ROBO2: variants seen among roughly 807,000 people sequenced by gnomAD.
ROBO2 encodes roundabout homolog 2.
ROBO2 carries 53 observed loss-of-function variants against 160.8 expected under a neutral mutation model. The observed-to-expected ratio is 0.33, with a 90% CI of 0.26 to 0.41. ROBO2 has a LOEUF of 0.41. Ranked by LOEUF, ROBO2 falls within the 10% of genes least tolerant of loss-of-function variation. The pLI is 1.00. For synonymous variants in ROBO2, 664 were observed against 611.7 expected (o/e 1.09, Z -1.26); for missense variants, 1,577 against 1,722.4 (o/e 0.92, Z 1.49).
At chr3:76,336,533 C>G (rs1043448202) in intron 2 of ROBO2, among the ~76,000 whole-genome samples, 3 of 152,136 alleles carry the variant, frequency 2.0e-5, no homozygotes, top group African/African-American at 7.2e-5. Context: ...ATTAAATTTC[C>G]TTTTGAAGAA....
intron 2 of ROBO2, among the ~76,000 whole-genome samples, chr3:76,093,284 G>A (rs745803391): frequency 6.6e-6 from 1 of 151,126 alleles, no homozygotes; most frequent in Non-Finnish European, 1.5e-5. Context: ...CTGTATAATG[G>A]GTGTTCTTTC....
chr3:76,546,164 A>G (rs150089277), intron 2 of ROBO2, among the ~76,000 whole-genome samples: 108 of 152,070 alleles, frequency 7.1e-4, no homozygotes, highest in East Asian at 5.8e-3. Flanking sequence ...GCAAAGCTAT[A>G]AACAGTATAA....
At chr3:76,681,353 C>G (rs1454365037) in intron 2 of ROBO2, among the ~76,000 whole-genome samples, 2 of 152,174 alleles carry the variant, frequency 1.3e-5, no homozygotes, top group Non-Finnish European at 2.9e-5. Flanking sequence ...GCTTACCATA[C>G]AGCAGCTATT....
chr3:77,003,484 G>A (rs1362777663), intron 2 of ROBO2, among the ~76,000 whole-genome samples: 1 of 152,114 alleles, frequency 6.6e-6, no homozygotes, highest in Non-Finnish European at 1.5e-5. Context: ...TTTTTCCCAT[G>A]CCTTTCTTCA....
In ROBO2 at chr3:77,597,246, A is replaced by T. The variant is rs193059810; in HGVS notation, c.2854+496A>T. Among the ~76,000 whole-genome samples the T allele has an allele frequency of 6.6e-5, 10 of 152,230 alleles. No homozygotes were observed. In the East Asian group the frequency reaches 1.7e-3, roughly 26 times the overall value. The stretch of plus-strand genomic sequence containing the variant: ...AAATAGACAATTAAGTCAATATAAC[A>T]TGTTGAGAGAGAACTTTTCTGTAGT... On this transcript the variant is annotated intron_variant, in intron 19 of 25. Transcript: ENST00000461745.
At position 77,008,759 on chromosome 3, in the gene ROBO2, C is replaced by T. The variant is rs139029042; in HGVS notation, c.110-89255C>T. ...ATTAGAGACTTGTTTCAGGTTGGCA[C>T]GAATCATTTAGGAACAAAACATAGA... is the stretch of plus-strand genomic sequence containing the variant. On this transcript the variant is annotated intron_variant, in intron 2 of 26. Transcript: ENST00000487694. Among the ~76,000 whole-genome samples the T allele has an allele frequency of 6.6e-5, 10 of 152,104 alleles. No homozygotes were observed. In the East Asian group the frequency reaches 1.2e-3, roughly 18 times the overall value.
chr3:77,056,643 C>G (rs2065774687), intron 1 of ROBO2, among the ~76,000 whole-genome samples: 1 of 152,034 alleles, frequency 6.6e-6, no homozygotes, highest in South Asian at 2.1e-4. Context: ...TTTAAATCCA[C>G]AGATAACTCA....
chr3:77,600,535 G>C (rs2094409920), intron 19 of ROBO2, among the ~76,000 whole-genome samples: 1 of 152,120 alleles, frequency 6.6e-6, no homozygotes, highest in South Asian at 2.1e-4. Context: ...TGAAAAGCTT[G>C]CCATCGAAGT....
At chr3:76,605,166 T>G (rs1026621057) in intron 2 of ROBO2, among the ~76,000 whole-genome samples, 3 of 152,160 alleles carry the variant, frequency 2.0e-5, no homozygotes, top group African/African-American at 7.2e-5. Context: ...GCTAAACATT[T>G]CCATTAGTAG....
chr3:77,020,747 G>A (rs142439980), intron 2 of ROBO2, among the ~76,000 whole-genome samples: 6 of 152,230 alleles, frequency 3.9e-5, no homozygotes, highest in South Asian at 2.1e-4. Flanking sequence ...ACTATAAAGC[G>A]CTATGCAGAG....
At chr3:77,205,669 G>T (rs542651687) in intron 2 of ROBO2, among the ~76,000 whole-genome samples, 1 of 152,140 alleles carries the variant, frequency 6.6e-6, no homozygotes, top group African/African-American at 2.4e-5. Flanking sequence ...CATATCACAT[G>T]CACATGTAGT....
chr3:77,118,368 G>A (rs2074408381), intron 2 of ROBO2, among the ~76,000 whole-genome samples: 3 of 152,182 alleles, frequency 2.0e-5, no homozygotes, highest in South Asian at 2.1e-4. Context: ...TAGAATATGA[G>A]TTTGATTTGG....
At chr3:76,575,854 G>A (rs1201172169) in intron 2 of ROBO2, among the ~76,000 whole-genome samples, 1 of 152,038 alleles carries the variant, frequency 6.6e-6, no homozygotes, top group East Asian at 1.9e-4. Flanking sequence ...TTTTAGATTT[G>A]TGGAGAGAGA....
intron 2 of ROBO2, among the ~76,000 whole-genome samples, chr3:76,565,857 A>G (rs1168653711): frequency 2.0e-5 from 3 of 152,192 alleles, no homozygotes; most frequent in African/African-American, 4.8e-5. Context: ...AGGAGTTGTT[A>G]GTCAAATATG....
intron 5 of ROBO2, among the ~76,000 whole-genome samples, chr3:77,500,208 C>A (rs1327006506): frequency 1.3e-5 from 2 of 152,090 alleles, no homozygotes; most frequent in African/African-American, 4.8e-5. Context: ...TTACCATGTG[C>A]CTTACAATGC....
At chr3:76,838,653 G>A (rs774326234) in intron 2 of ROBO2, among the ~76,000 whole-genome samples, 13 of 151,930 alleles carry the variant, frequency 8.6e-5, no homozygotes, top group African/African-American at 2.7e-4. Flanking sequence ...ACATTAAATC[G>A]CTGTAGTTTA....
At chr3:76,991,836 A>C (rs2060681952) in intron 2 of ROBO2, among the ~76,000 whole-genome samples, 1 of 152,118 alleles carries the variant, frequency 6.6e-6, no homozygotes, top group South Asian at 2.1e-4. Flanking sequence ...AAAACCTCTG[A>C]ATTTGTGTTT....
intron 2 of ROBO2, among the ~76,000 whole-genome samples, chr3:76,719,761 G>A (rs773183310): frequency 2.0e-5 from 3 of 151,888 alleles, no homozygotes; most frequent in Non-Finnish European, 2.9e-5. Context: ...GTGAGCACCT[G>A]TAGTCCCAGC....
At chr3:76,937,338 C>T (rs1234859214) in intron 2 of ROBO2, among the ~76,000 whole-genome samples, 1 of 126,318 alleles carries the variant, frequency 7.9e-6, no homozygotes, top group African/African-American at 2.9e-5. Context: ...AAATAACTTC[C>T]AGGGTTTTTG....
Sources: allele counts gnomAD v4.1 joint callset (sites outside exome capture counted in the v4.1 genomes callset), GRCh38; gene constraint gnomAD v4.1.1; transcripts MANE v1.5; gene names NCBI Gene and HGNC (gene_info 2026-07-23, HGNC 2026-07-21).